LYPLAL1: variants seen among roughly 807,000 people sequenced by gnomAD.
LYPLAL1 encodes the protein lysophospholipase like 1.
In LYPLAL1, 23 loss-of-function variants were observed where a neutral mutation model predicts 19.7. The observed-to-expected ratio is 1.17, with a 90% CI of 0.84 to 1.65. The LOEUF is 1.65. Among genes scored for constraint, LYPLAL1 ranks in the 40% most tolerant of loss-of-function variants. The probability of loss-of-function intolerance (pLI) is 0.00; values close to 1 mark genes in which losing one functional copy is unlikely to be tolerated. For synonymous variants in LYPLAL1, 119 were observed against 96.3 expected (o/e 1.24, Z -1.38); for missense variants, 355 against 279.4 (o/e 1.27, Z -1.93).
the LYPLAL1 span, among the ~76,000 whole-genome samples, chr1:219,335,851 C>T: frequency 6.6e-5 from 10 of 151,532 alleles, no homozygotes; most frequent in East Asian, 1.9e-4. Context: ...ATTAGCACAA[C>T]GAAGTAAGTT....
In LYPLAL1 at chr1:219,208,980, A is replaced by G. The variant is rs188402249; in HGVS notation, c.362-1552A>G. ...CACAAATTCATGGATAATGTAGCCC[A>G]GTGGCTTTTAACCTTTTGGAGAATC... On this transcript the variant is annotated intron_variant, in intron 3 of 4. Transcript: ENST00000366928. 6.9e-3 allele frequency among the ~76,000 whole-genome samples: 1,045 copies of G among 152,262 alleles called. 3 individuals carry two copies. Among genetic ancestry groups the G allele is most frequent in the Non-Finnish European group, 0.01 (690 of 67,984 alleles).
chr1:219,346,557 G>T, the LYPLAL1 span, among the ~76,000 whole-genome samples: 2 of 151,450 alleles, frequency 1.3e-5, no homozygotes, highest in Admixed American at 6.6e-5. Context: ...CATCCATTTG[G>T]CACACAAACA....
the LYPLAL1 span, chr1:219,435,028 T>A: frequency 5.3e-5 from 8 of 152,306 alleles, no homozygotes; most frequent in Admixed American, 2.6e-4. Flanking sequence ...AGTGAGCATG[T>A]ACATGCAGCA....
At chr1:219,367,241 A>G in the LYPLAL1 span, among the ~76,000 whole-genome samples, 1 of 152,176 alleles carries the variant, frequency 6.6e-6, no homozygotes, top group Non-Finnish European at 1.5e-5. Context: ...AATATATTTA[A>G]TAGTAGTTCT....
chr1:219,439,306 T>TC, the LYPLAL1 span, among the ~76,000 whole-genome samples: 3 of 152,072 alleles, frequency 2.0e-5, no homozygotes, highest in Non-Finnish European at 2.9e-5. Context: ...CTTGGTAACC[T>TC]CCCCCACTAG....
the LYPLAL1 span, among the ~76,000 whole-genome samples, chr1:219,321,199 G>T: frequency 6.6e-6 from 1 of 152,200 alleles, no homozygotes; most frequent in Non-Finnish European, 1.5e-5. Context: ...CAGTGATGAG[G>T]AGCAGTTTTT....
chr1:219,357,549 G>T, the LYPLAL1 span, among the ~76,000 whole-genome samples: 1 of 152,140 alleles, frequency 6.6e-6, no homozygotes, highest in Non-Finnish European at 1.5e-5. Context: ...TGTAGCAAAA[G>T]AAATTCTCAT....
chr1:219,284,143 T>C, the LYPLAL1 span, among the ~76,000 whole-genome samples: 2 of 152,206 alleles, frequency 1.3e-5, no homozygotes, highest in African/African-American at 4.8e-5. Flanking sequence ...AAGACATGCC[T>C]TGCTTCCTCT....
At chr1:219,298,915 G>A in the LYPLAL1 span, among the ~76,000 whole-genome samples, 7 of 152,028 alleles carry the variant, frequency 4.6e-5, no homozygotes, top group Non-Finnish European at 7.4e-5. Flanking sequence ...CTTTCCAGGC[G>A]GAATTCCTAC....
At chr1:219,360,495 A>G in the LYPLAL1 span, among the ~76,000 whole-genome samples, 1 of 152,300 alleles carries the variant, frequency 6.6e-6, no homozygotes, top group Non-Finnish European at 1.5e-5. Context: ...TATGAGAGAA[A>G]AGACCATAAT....
At chr1:219,237,153 A>T in the LYPLAL1 span, among the ~76,000 whole-genome samples, 1 of 152,246 alleles carries the variant, frequency 6.6e-6, no homozygotes, top group Non-Finnish European at 1.5e-5. Flanking sequence ...ATGCACACTC[A>T]TTGGAAATTT....
At chr1:219,301,741 T>C in the LYPLAL1 span, among the ~76,000 whole-genome samples, 1 of 149,662 alleles carries the variant, frequency 6.7e-6, no homozygotes, top group East Asian at 2.0e-4. Flanking sequence ...TGAAAAGCTC[T>C]TCTATACTCT....
chr1:219,228,682 G>T, the LYPLAL1 span, among the ~76,000 whole-genome samples: 5 of 151,908 alleles, frequency 3.3e-5, no homozygotes, highest in African/African-American at 1.2e-4. Flanking sequence ...TATTTTGTAT[G>T]TATTTATTTA....
At position 219,203,846 on chromosome 1, in the gene LYPLAL1, T is replaced by G. The variant is rs558652870; in HGVS notation, c.362-6686T>G. Among the ~76,000 whole-genome samples, 3 of 152,164 alleles carry G rather than the reference T, an allele frequency of 2.0e-5. No homozygotes were observed. In the South Asian group the frequency reaches 6.2e-4, roughly 32 times the overall value. On this transcript the variant is annotated intron_variant, in intron 3 of 4. Transcript: ENST00000366928. ...ACAGCAAGAAAGCAAATGCAATAGATCTAGTAGAATGATGAAGTGCTAAAC... is the reference window on the plus strand; with the variant it reads ...ACAGCAAGAAAGCAAATGCAATAGAGCTAGTAGAATGATGAAGTGCTAAAC...
At chr1:219,216,559 T>C (rs888668960), downstream of LYPLAL1, among the ~76,000 whole-genome samples, 1 of 152,152 alleles carries the variant, frequency 6.6e-6, no homozygotes, top group Non-Finnish European at 1.5e-5. Flanking sequence ...TTTTACACTA[T>C]AGCTAGCGGG....
chr1:219,317,087 T>A, the LYPLAL1 span, among the ~76,000 whole-genome samples: 6 of 152,220 alleles, frequency 3.9e-5, no homozygotes, highest in Non-Finnish European at 7.4e-5. Context: ...AATTGGAAAA[T>A]TTTTAAGGTC....
the LYPLAL1 span, among the ~76,000 whole-genome samples, chr1:219,258,151 G>C: frequency 2.0e-5 from 3 of 151,898 alleles, no homozygotes; most frequent in African/African-American, 7.3e-5. Flanking sequence ...TCGTTGTCAA[G>C]GTGCACTGAT....
the LYPLAL1 span, chr1:219,273,295 C>T: frequency 6.6e-6 from 1 of 152,198 alleles, no homozygotes; most frequent in Non-Finnish European, 1.5e-5. Flanking sequence ...AACATACAAT[C>T]TTTCTTGTAT....
At chr1:219,305,770 T>C in the LYPLAL1 span, among the ~76,000 whole-genome samples, 53,506 of 152,052 alleles carry the variant, frequency 0.35, 9,727 homozygotes, top group Non-Finnish European at 0.39. Context: ...CTGATTCCTC[T>C]GCTGAGAGAA....
Sources: allele counts gnomAD v4.1 joint callset (sites outside exome capture counted in the v4.1 genomes callset), GRCh38; gene constraint gnomAD v4.1.1; transcripts MANE v1.5; gene names NCBI Gene and HGNC (gene_info 2026-07-23, HGNC 2026-07-21).